Variants in RPH3AL observed in about 807,000 individuals in gnomAD.
RPH3AL encodes rabphilin 3A like (without C2 domains).
Under a neutral mutation model 43.1 loss-of-function variants are expected in RPH3AL, and 38 were observed. That is an observed-to-expected ratio of 0.88 (90% CI 0.68 to 1.15). RPH3AL has a LOEUF of 1.15. RPH3AL is among the 50% of genes most tolerant of loss of function. The pLI is 0.00. For missense variants in RPH3AL, 462 were observed against 423.2 expected (o/e 1.09, Z -0.81); for synonymous variants, 189 against 176.3 (o/e 1.07, Z -0.57).
intron 5 of RPH3AL, among the ~76,000 whole-genome samples, chr17:316,554 C>T (rs1168301277): frequency 1.0e-4 from 15 of 146,008 alleles, no homozygotes; most frequent in Non-Finnish European, 1.7e-4. Context: ...CCTCCACTGA[C>T]ATGTAGTCCC....
In RPH3AL at chr17:308,440, C is replaced by T. The variant is rs149313433; in HGVS notation, c.351+10980G>A. On this transcript the variant is annotated intron_variant, in intron 5 of 9. Transcript: ENST00000331302. ...GAACTGCCGTATGATTCAGCAATTCCACTGCTGGGTATAGACCCAAGAGAA... is the reference window on the plus strand; with the variant it reads ...GAACTGCCGTATGATTCAGCAATTCTACTGCTGGGTATAGACCCAAGAGAA... Among the ~76,000 whole-genome samples, 214 of 152,324 alleles carry T rather than the reference C, an allele frequency of 1.4e-3. 1 individual carries two copies. The highest frequency in any genetic ancestry group is 2.5e-3 in the Admixed American group (39 of 15,302).
chr17:250,137 CCTTTA>C (rs1555541811), intron 6 of RPH3AL, among the ~76,000 whole-genome samples: 6 of 147,090 alleles, frequency 4.1e-5, no homozygotes, highest in African/African-American at 1.3e-4. Flanking sequence ...CCTCTCGGAG[CCTTTA>C]CTAAGCTCCA....
chr17:241,098 A>AATAATAATC lies in RPH3AL; in HGVS notation c.613+6012_613+6013insGATTATTAT, dbSNP rs763128192. Among the ~76,000 whole-genome samples the AATAATAATC allele has an allele frequency of 7.8e-3, 733 of 94,328 alleles. 3 individuals carry two copies. The highest frequency in any genetic ancestry group is 0.056 in the Middle Eastern group (9 of 160). 61.9% of individuals were successfully genotyped at this position (94,328 alleles called of 152,430 possible). On this transcript the variant is annotated intron_variant, in intron 7 of 9. Coordinates refer to ENST00000331302, the MANE Select transcript of RPH3AL (RefSeq NM_006987.4). ...TAATAATAATAATAATAATAATAAT[A>AATAATAATC]ATCTTGTTGGCCAAGGATGGTGGCT... is the stretch of plus-strand genomic sequence containing the variant.
Position 212,865 on chromosome 17 carries a change from C to G in RPH3AL, c.*987G>C, listed in dbSNP as rs888318493. The G allele has an allele frequency of 6.6e-6, 1 of 151,964 alleles. No homozygotes were observed. Among genetic ancestry groups the G allele is most frequent in the African/African-American group, 2.4e-5 (1 of 41,396 alleles). The allele number at this position is 151,964 out of a possible 1,614,324, so 9.4% of individuals were successfully genotyped here. ...GGGGATGCACCTGAACGCTGCTCTT[C>G]AGCAAGTGAGTTCATAGCATCCACC... On this transcript the variant is annotated 3_prime_UTR_variant, in exon 10 of 10. Coordinates refer to ENST00000331302, the MANE Select transcript of RPH3AL (RefSeq NM_006987.4).
chr17:278,793 T>A (rs754883561), intron 6 of RPH3AL, among the ~76,000 whole-genome samples: 1 of 152,156 alleles, frequency 6.6e-6, no homozygotes, highest in Non-Finnish European at 1.5e-5. Context: ...GTCAGCTGCC[T>A]ACATGAATAA....
chr17:280,498 G>T (rs1464769843), intron 6 of RPH3AL, among the ~76,000 whole-genome samples: 1 of 152,202 alleles, frequency 6.6e-6, no homozygotes, highest in Non-Finnish European at 1.5e-5. Context: ...GCCTGGCTCA[G>T]CACTGGGCAA....
rs118080335 is a variant in RPH3AL at position 223,804 on chromosome 17, C to G, written c.614-4068G>C. 2.9e-4 allele frequency among the ~76,000 whole-genome samples: 44 copies of G among 152,344 alleles called. No homozygotes were observed. The East Asian group carries it at 8.1e-3, about 28-fold the overall frequency. ...GCTAAGGGAGCCACAGGTCTTGGAA[C>G]AAGCAACCAGAGGCTGGAGCTGGCT... On this transcript the variant is annotated intron_variant, in intron 7 of 9. Transcript: ENST00000331302.
intron 6 of RPH3AL, among the ~76,000 whole-genome samples, chr17:254,713 C>T (rs368839846): frequency 2.2e-3 from 2 of 910 alleles, no homozygotes; most frequent in Non-Finnish European, 1.7e-3. Context: ...ATGAGGGGAG[C>T]CGCACGGCGT....
chr17:215,871 GT>G lies in RPH3AL; in HGVS notation c.728-70del, dbSNP rs1354264189. 2 of 1,266,394 alleles carry G rather than the reference GT, an allele frequency of 1.6e-6. No individual in the cohort carries two copies. The highest frequency in any genetic ancestry group is 3.1e-5 in the African/African-American group (2 of 63,836). 78.4% of individuals were successfully genotyped at this position (1,266,394 alleles called of 1,614,324 possible). The stretch of plus-strand genomic sequence containing the variant: ...CGGGGTGATCTCAGTCCAGTTCCTC[GT>G]TTGGAACTCTAGATCTCTATGGGAT... On this transcript the variant is annotated intron_variant, in intron 8 of 9. Transcript: ENST00000331302. This position sits in a 1 kb window ranked among gnomAD's most constrained non-coding sequence, Gnocchi z 4.1.
chr17:316,934 C>G (rs1598111268), intron 5 of RPH3AL, among the ~76,000 whole-genome samples: 1 of 143,810 alleles, frequency 7.0e-6, no homozygotes, highest in African/African-American at 2.6e-5. Flanking sequence ...TCTCTGTGCT[C>G]CACCTCCATT....
At chr17:338,826 G>A (rs1357659886) in intron 1 of RPH3AL, 1 of 152,224 alleles carries the variant, frequency 6.6e-6, no homozygotes, top group Non-Finnish European at 1.5e-5. Context: ...CCATGAAGCA[G>A]AGAAGCTTCT....
chr17:263,288 CAAAGA>C (rs2042243527), intron 6 of RPH3AL, among the ~76,000 whole-genome samples: 2 of 152,232 alleles, frequency 1.3e-5, no homozygotes, highest in South Asian at 4.1e-4. Flanking sequence ...CAAACTTAAT[CAAAGA>C]GCCGAAAGTA....
intron 5 of RPH3AL, 28 bp downstream of exon 5, chr17:319,392 G>A (rs1328339813): frequency 1.9e-6 from 3 of 1,606,968 alleles, no homozygotes; most frequent in Non-Finnish European, 2.5e-6. Flanking sequence ...TGGGAAGCCA[G>A]AATGACAGGG....
intron 6 of RPH3AL, among the ~76,000 whole-genome samples, chr17:260,626 G>A (rs2042175482): frequency 6.6e-6 from 1 of 152,156 alleles, no homozygotes; most frequent in Admixed American, 6.5e-5. Flanking sequence ...TTACACTGCA[G>A]CTACTTTAAA....
chr17:247,944 G>A (rs1040065069), intron 6 of RPH3AL, among the ~76,000 whole-genome samples: 1 of 152,088 alleles, frequency 6.6e-6, no homozygotes, highest in Non-Finnish European at 1.5e-5. Flanking sequence ...ACCTTCTCTC[G>A]CTGGCCCAAG....
chr17:236,341 T>A (rs1436197501), intron 7 of RPH3AL, among the ~76,000 whole-genome samples: 1 of 152,198 alleles, frequency 6.6e-6, no homozygotes, highest in Non-Finnish European at 1.5e-5. Flanking sequence ...CTGCTGTGGC[T>A]ATTGATCAAG....
At position 290,473 on chromosome 17, in the gene RPH3AL, A is replaced by G. The variant is rs572390168; in HGVS notation, c.352-8619T>C. On this transcript the variant is annotated intron_variant, in intron 5 of 9. Transcript: ENST00000331302. This position sits in a 1 kb window ranked among gnomAD's most constrained non-coding sequence, Gnocchi z 4.2. ...CCCGGGGTGCGTGCCGCGGCCGCCT[A>G]TGTGTGCAGACCCGTCCCAAGGCCT... Among the ~76,000 whole-genome samples, 1 of 152,132 alleles carries G rather than the reference A, an allele frequency of 6.6e-6. No homozygotes were observed. The highest frequency in any genetic ancestry group is 1.9e-4 in the East Asian group (1 of 5,170).
intron 5 of RPH3AL, among the ~76,000 whole-genome samples, chr17:318,387 GT>G (rs1293155573): frequency 2.0e-5 from 3 of 152,162 alleles, no homozygotes; most frequent in African/African-American, 4.8e-5. Context: ...GTCTCTGGGG[GT>G]GGAAAAAAGC....
At chr17:349,105 G>C (rs1334202479) in intron 1 of RPH3AL, 1 of 149,058 alleles carries the variant, frequency 6.7e-6, no homozygotes, top group African/African-American at 2.5e-5. Context: ...GGGCTTCAAA[G>C]AGAAGAATGT....
Sources: gnomAD v4.1 joint callset for allele counts (sites outside exome capture counted in the v4.1 genomes callset) on GRCh38, gnomAD v4.1.1 for gene constraint, Gnocchi (gnomAD v3.1) non-coding constraint, MANE v1.5 for transcripts, NCBI Gene and HGNC (gene_info 2026-07-23, HGNC 2026-07-21) for gene names.